The following TENM4 variants were observed in gnomAD, a reference collection of about 807,000 sequenced individuals.
TENM4 encodes teneurin transmembrane protein 4.
In TENM4, 82 loss-of-function variants were observed where a neutral mutation model predicts 243.3. The observed-to-expected ratio is 0.34, with a 90% CI of 0.28 to 0.40. The LOEUF (loss-of-function observed/expected upper bound fraction) is 0.40, where lower values mean the gene tolerates loss of function less well. TENM4 is among the 10% of genes least tolerant of loss of function. The probability of loss-of-function intolerance (pLI) is 1.00; values close to 1 mark genes in which losing one functional copy is unlikely to be tolerated. For synonymous variants in TENM4, 1,412 were observed against 1,456.3 expected, an observed-to-expected ratio of 0.97 and a Z score of 0.69; for missense variants, 3,138 against 3,673.3, an observed-to-expected ratio of 0.85 and a Z score of 3.77.
At chr11:79,374,729 T>C (rs747829662) in intron 1 of TENM4, among the ~76,000 whole-genome samples, 2 of 151,958 alleles carry the variant, frequency 1.3e-5, no homozygotes, top group African/African-American at 2.4e-5. Flanking sequence ...AGCTTTACTC[T>C]TGGTAGTTTA....
chr11:79,192,114 C>T (rs1463340824), intron 3 of TENM4, among the ~76,000 whole-genome samples: 9 of 150,624 alleles, frequency 6.0e-5, no homozygotes, highest in African/African-American at 4.9e-5. Flanking sequence ...GCCCCCCGCC[C>T]GGCCAGCCGC....
intron 25 of TENM4, among the ~76,000 whole-genome samples, chr11:78,717,245 T>C (rs983407389): frequency 5.3e-5 from 8 of 152,206 alleles, no homozygotes; most frequent in African/African-American, 1.7e-4. Context: ...TGGATGGTGT[T>C]TGGAATTTCC....
chr11:79,087,463 A>G (rs1286036782), intron 4 of TENM4, among the ~76,000 whole-genome samples: 1 of 152,198 alleles, frequency 6.6e-6, no homozygotes, highest in Non-Finnish European at 1.5e-5. Flanking sequence ...TGGGAATCCT[A>G]TTGCTTGGGA....
rs542165366 is a variant in TENM4 at position 78,756,822 on chromosome 11, C to T, written c.2739G>A (p.Glu913=). ...GGACTCACCCTCCATCAAAGGGGTT[C>T]TCCCCGGGGATTATGTGCGTGCTGT... The part of the protein sequence containing the change: ...GRDSTHIIPG[E]NPFDGGHACV... The change falls in exon 19 of 34, where the codon GAG becomes GAA. Residue 913 remains glutamate (E), a synonymous_variant. Transcript: ENST00000278550. 9.3e-4 allele frequency: 1,493 copies of T among 1,613,624 alleles called. 26 individuals carry two copies. In the South Asian group the frequency reaches 0.015, roughly 17 times the overall value.
At chr11:79,168,900 C>A (rs1417523246) in intron 3 of TENM4, among the ~76,000 whole-genome samples, 2 of 152,200 alleles carry the variant, frequency 1.3e-5, no homozygotes, top group Non-Finnish European at 2.9e-5. Context: ...GGTGAACAAG[C>A]CCAGGCTAGT....
At chr11:78,903,229 C>T in intron 7 of TENM4, 39 bp downstream of exon 7, 1 of 1,469,586 alleles carries the variant, frequency 6.8e-7, no homozygotes, top group Non-Finnish European at 9.0e-7. Flanking sequence ...CCCCGGGTGC[C>T]CACCCTCCTC....
chr11:79,409,097 T>TGC (rs1251126876), intron 1 of TENM4, among the ~76,000 whole-genome samples: 1 of 104,786 alleles, frequency 9.5e-6, no homozygotes, highest in African/African-American at 4.2e-5. Flanking sequence ...TGTGTGTGTG[T>TGC]GTGTGCGCGC....
chr11:78,903,567 G>GCC, intron 6 of TENM4, 44 bp from the exon 7 acceptor site: 1 of 1,539,178 alleles, frequency 6.5e-7, no homozygotes, highest in Non-Finnish European at 8.7e-7. Flanking sequence ...GCTTGGTGCT[G>GCC]CCCCTCGGCT....
chr11:79,073,612 G>A (rs906313023), intron 4 of TENM4, among the ~76,000 whole-genome samples: 1 of 152,150 alleles, frequency 6.6e-6, no homozygotes, highest in Admixed American at 6.5e-5. Flanking sequence ...TTGCTCACAT[G>A]TATTCTTTTT....
chr11:78,754,037 C>T (rs910838268), intron 19 of TENM4, among the ~76,000 whole-genome samples: 1 of 152,174 alleles, frequency 6.6e-6, no homozygotes, highest in Non-Finnish European at 1.5e-5. Context: ...CTCAGTTCTT[C>T]CATTTCTTTA....
At position 79,266,726 on chromosome 11, in the gene TENM4, T is replaced by G. The variant is rs370105976; in HGVS notation, c.-265+30762A>C. Among the ~76,000 whole-genome samples the G allele has an allele frequency of 1.1e-3, 164 of 152,178 alleles. 4 individuals carry two copies. The South Asian group carries it at 0.02, about 18-fold the overall frequency. On this transcript the variant is annotated intron_variant, in intron 2 of 33. Transcript: ENST00000278550. ...AGCTCTGAATTGGCCAAAGCATGAC[T>G]TTTGCTTTTTTTAGAGGCACACTAG...
intron 1 of TENM4, among the ~76,000 whole-genome samples, chr11:79,323,542 T>A (rs1386918634): frequency 6.6e-6 from 1 of 152,202 alleles, no homozygotes; most frequent in African/African-American, 2.4e-5. Flanking sequence ...GGTGGTTAAT[T>A]TTGTGAGTCA....
chr11:79,265,845 A>G (rs1378647377), intron 2 of TENM4, among the ~76,000 whole-genome samples: 1 of 152,102 alleles, frequency 6.6e-6, no homozygotes, highest in Non-Finnish European at 1.5e-5. Flanking sequence ...CCCGTCTCTC[A>G]CCTTCTACCC....
chr11:79,022,422 G>A (rs145053097), intron 6 of TENM4, among the ~76,000 whole-genome samples: 5 of 152,142 alleles, frequency 3.3e-5, no homozygotes, highest in East Asian at 1.9e-4. Context: ...AAACAGTCCC[G>A]GCAAAGGATC....
chr11:79,316,959 C>T (rs557298032), intron 1 of TENM4, among the ~76,000 whole-genome samples: 1 of 152,324 alleles, frequency 6.6e-6, no homozygotes, highest in African/African-American at 2.4e-5. Flanking sequence ...GATTTTTCTT[C>T]CTTTCAGAAC....
chr11:79,395,548 GTGT>G (rs1858325684), intron 1 of TENM4, among the ~76,000 whole-genome samples: 3 of 152,326 alleles, frequency 2.0e-5, no homozygotes, highest in Non-Finnish European at 2.9e-5. Flanking sequence ...CACCAGCTCC[GTGT>G]TGTTGTTGAC....
chr11:79,084,908 A>C (rs984441521), intron 4 of TENM4, among the ~76,000 whole-genome samples: 13 of 152,206 alleles, frequency 8.5e-5, no homozygotes, highest in African/African-American at 3.1e-4. Context: ...GAATAAGATG[A>C]GTGGATTGTA....
In TENM4 at chr11:78,903,326, C is replaced by T. The variant is rs1378971834; in HGVS notation, c.691G>A (p.Glu231Lys). The change falls in exon 7 of 34, where the codon GAG (glutamate) becomes AAG (lysine). Residue 231 changes from glutamate (E) to lysine (K), a missense_variant. By Grantham distance (56) the Glu-to-Lys change is moderately conservative. This residue lies in a region of TENM4 where 671 missense variants were observed against 614.1 expected (regional missense o/e 1.09). Coordinates refer to ENST00000278550, the MANE Select transcript of TENM4 (RefSeq NM_001098816.3). Reference protein sequence around the residue: ...SGEPPAGGAQEPAHAQENWLL... With the variant: ...SGEPPAGGAQKPAHAQENWLL... ...CAGTTCTCCTGGGCGTGGGCAGGCT[C>T]CTGGGCGCCGCCGGCAGGGGGCTCT... 1.3e-6 allele frequency: 2 copies of T among 1,483,162 alleles called. No individual in the cohort carries two copies. Among genetic ancestry groups the T allele is most frequent in the Non-Finnish European group, 1.8e-6 (2 of 1,118,332 alleles). 91.9% of individuals were successfully genotyped at this position (1,483,162 alleles called of 1,614,324 possible). A position where few individuals can be genotyped will look rare whatever the true frequency, so the allele number is the denominator to read the frequency against.
At chr11:78,702,479 C>T in intron 27 of TENM4, 76 bp from the exon 28 acceptor site, 1 of 1,524,250 alleles carries the variant, frequency 6.6e-7, no homozygotes, top group Non-Finnish European at 8.8e-7. Flanking sequence ...CCATGTAGCC[C>T]ATAACAGTGT....
Sources: gnomAD v4.1 joint callset for allele counts (sites outside exome capture counted in the v4.1 genomes callset) on GRCh38, gnomAD v4.1.1 for gene constraint, gnomAD v4.1.1 regional missense constraint, MANE v1.5 for transcripts, NCBI Gene and HGNC (gene_info 2026-07-23, HGNC 2026-07-21) for gene names.